Variants in SPAST observed in about 807,000 individuals in gnomAD.
The protein encoded by SPAST is spastin.
SPAST carries 30 observed loss-of-function variants against 76.6 expected under a neutral mutation model. The ratio of observed to expected loss-of-function variants is 0.39; its 90% CI spans 0.29 to 0.53. The LOEUF (loss-of-function observed/expected upper bound fraction) is 0.53. Among genes scored for constraint, SPAST ranks in the 20% least tolerant of loss-of-function variants. The pLI, the probability that SPAST is intolerant of heterozygous loss-of-function variation, is 0.68. For synonymous variants in SPAST, 305 were observed against 281.0 expected, an observed-to-expected ratio of 1.09 and a Z score of -0.86; for missense variants, 717 against 770.5, an observed-to-expected ratio of 0.93 and a Z score of 0.82.
rs1427499391 is a variant in SPAST, at chr2:32,116,266, AGT to A, written c.1098+55_1098+56del. On this transcript the variant is annotated intron_variant, in intron 7 of 16. Transcript: ENST00000315285. ...TAATACCATCTGTTACTGAATCCAT[AGT>A]AGTAGTAGTAGTAAAGAAATATTTG... 3 of 973,002 alleles carry A rather than the reference AGT, an allele frequency of 3.1e-6. No individual in the cohort carries two copies. The African/African-American group carries it at 4.8e-5, about 16-fold the overall frequency. 60.3% of individuals were successfully genotyped at this position (973,002 alleles called of 1,614,324 possible). A position where few individuals can be genotyped will look rare whatever the true frequency, so the allele number is the denominator to read the frequency against.
intron 7 of SPAST, among the ~76,000 whole-genome samples, chr2:32,126,341 A>G (rs1016880164): frequency 1.3e-5 from 2 of 151,748 alleles, no homozygotes; most frequent in African/African-American, 4.8e-5. Context: ...TGTTTGGAAG[A>G]TTCATATATT....
chr2:32,094,099 A>G (rs903368140), intron 3 of SPAST, among the ~76,000 whole-genome samples: 4 of 152,344 alleles, frequency 2.6e-5, no homozygotes, highest in Admixed American at 2.6e-4. Context: ...TTTAACCAGC[A>G]CATAATAAAC....
At chr2:32,144,728 AC>A (rs1279729680) in intron 14 of SPAST, among the ~76,000 whole-genome samples, 1 of 151,900 alleles carries the variant, frequency 6.6e-6, no homozygotes, top group East Asian at 1.9e-4. Flanking sequence ...TATACTAAAT[AC>A]AAAAAAAAAA....
chr2:32,100,727 T>A lies in SPAST; in HGVS notation c.682+1836T>A, dbSNP rs9751503. On this transcript the variant is annotated intron_variant, in intron 4 of 16. Transcript: ENST00000315285. The stretch of plus-strand genomic sequence containing the variant: ...CATACGGTGTTTGGTTTTCTGTCCT[T>A]GCGATAGTTTGCTCAGAATGATGGT... 5.6e-3 allele frequency among the ~76,000 whole-genome samples: 848 copies of A among 152,286 alleles called. 8 individuals are homozygous for A. The highest frequency in any genetic ancestry group is 0.02 in the African/African-American group (816 of 41,552).
At chr2:32,095,873 G>A (rs1223483400) in intron 3 of SPAST, among the ~76,000 whole-genome samples, 7 of 152,152 alleles carry the variant, frequency 4.6e-5, no homozygotes, top group South Asian at 4.1e-4. Context: ...TGGGATTGCC[G>A]AGGCGTAAGA....
At chr2:32,064,868 G>A (rs534809611) in intron 1 of SPAST, among the ~76,000 whole-genome samples, 1 of 152,160 alleles carries the variant, frequency 6.6e-6, no homozygotes, top group African/African-American at 2.4e-5. Context: ...AATTAAAACA[G>A]TATTCCAAAG....
At chr2:32,097,350 A>G (rs1444833697) in intron 3 of SPAST, among the ~76,000 whole-genome samples, 1 of 152,162 alleles carries the variant, frequency 6.6e-6, no homozygotes, top group African/African-American at 2.4e-5. Context: ...TATGTCACAA[A>G]ATTTTAACAA....
chr2:32,083,776 A>ATTTTTTTTTTTTTTTT (rs1178658126), intron 1 of SPAST, among the ~76,000 whole-genome samples: 2 of 46,070 alleles, frequency 4.3e-5, no homozygotes, highest in African/African-American at 8.9e-5. Flanking sequence ...ATATATATAT[A>ATTTTTTTTTTTTTTTT]TTTTTTTTTT....
chr2:32,087,509 G>A lies in SPAST; in HGVS notation c.433G>A (p.Ala145Thr). ...EDEKAGQKEQ[A>T]VEWYKKGIEE... The stretch of plus-strand genomic sequence containing the variant: ...TTTTAAAGCAGGACAGAAGGAGCAA[G>A]CTGTGGAATGGTATAAGAAAGGTAT... Residue 145 changes from alanine (A) to threonine (T), a missense_variant, in exon 2 of 17, where the codon GCT becomes ACT. Ala to Thr is a moderately conservative substitution (Grantham distance 58). Coordinates refer to ENST00000315285, the MANE Select transcript of SPAST (RefSeq NM_014946.4). 1 of 1,605,548 alleles carries A rather than the reference G, an allele frequency of 6.2e-7. No homozygotes were observed. The highest frequency in any genetic ancestry group is 8.5e-7 in the Non-Finnish European group (1 of 1,173,060).
chr2:32,110,802 A>G lies in SPAST; in HGVS notation c.683-3836A>G, dbSNP rs1040317092. ...ATACTATATATAGTATAGTATACATAGTATACTATATAGTATATAGAGTAT... is the reference window on the plus strand; with the variant it reads ...ATACTATATATAGTATAGTATACATGGTATACTATATAGTATATAGAGTAT... On this transcript the variant is annotated intron_variant, in intron 4 of 16. Transcript: ENST00000315285. 2.5e-5 allele frequency among the ~76,000 whole-genome samples: 3 copies of G among 118,762 alleles called. No individual in the cohort carries two copies. In the East Asian group the frequency reaches 7.3e-4, roughly 29 times the overall value. 77.9% of individuals were successfully genotyped at this position (118,762 alleles called of 152,430 possible).
intron 1 of SPAST, among the ~76,000 whole-genome samples, chr2:32,065,402 G>A (rs921485464): frequency 3.3e-5 from 5 of 151,988 alleles, no homozygotes; most frequent in African/African-American, 1.2e-4. Context: ...AAAAAAAATA[G>A]CAACCATCCC....
chr2:32,128,276 T>C, intron 8 of SPAST, 132 bp from the exon 9 acceptor site: 1 of 702,482 alleles, frequency 1.4e-6, no homozygotes, highest in South Asian at 1.6e-5. Flanking sequence ...ATTACAGGCA[T>C]GAGCCACCAC....
chr2:32,148,392 C>T (rs1345661111), intron 16 of SPAST, among the ~76,000 whole-genome samples: 1 of 152,052 alleles, frequency 6.6e-6, no homozygotes, highest in African/African-American at 2.4e-5. Context: ...AAATTACAGG[C>T]CGGGTGCGGT....
Position 32,115,837 on chromosome 2 carries a change from T to G in SPAST, c.1004+2T>G, listed in dbSNP as rs1553315240. 6.2e-7 allele frequency: 1 copy of G among 1,604,898 alleles called. No homozygotes were observed. The highest frequency in any genetic ancestry group is 8.5e-7 in the Non-Finnish European group (1 of 1,174,148). On this transcript the variant is annotated splice_donor_variant, in intron 6 of 16. Coordinates refer to ENST00000315285, the MANE Select transcript of SPAST (RefSeq NM_014946.4). LOFTEE classifies it high-confidence loss of function. ...TATAATGAATGAAATTGTGGACAAGTAAGTTTTGCCATCTAAATGTTTTAT... is the reference window on the plus strand; with the variant it reads ...TATAATGAATGAAATTGTGGACAAGGAAGTTTTGCCATCTAAATGTTTTAT...
intron 1 of SPAST, among the ~76,000 whole-genome samples, chr2:32,066,458 A>T (rs1237173573): frequency 2.0e-5 from 3 of 151,884 alleles, no homozygotes; most frequent in African/African-American, 2.4e-5. Context: ...TCATGAGGTC[A>T]AGAGTTTGAG....
chr2:32,105,028 A>G (rs540843615), intron 4 of SPAST, among the ~76,000 whole-genome samples: 3 of 152,212 alleles, frequency 2.0e-5, no homozygotes, highest in African/African-American at 4.8e-5. Context: ...CTTCTCCTGG[A>G]TAATATCCTG....
chr2:32,123,632 G>C (rs1679096170), intron 7 of SPAST, among the ~76,000 whole-genome samples: 1 of 152,200 alleles, frequency 6.6e-6, no homozygotes, highest in Admixed American at 6.5e-5. Context: ...TTACTGTAAA[G>C]CTACATTAAT....
chr2:32,140,390 G>A (rs1679676575), intron 12 of SPAST, among the ~76,000 whole-genome samples: 1 of 151,862 alleles, frequency 6.6e-6, no homozygotes, highest in African/African-American at 2.4e-5. Flanking sequence ...CAATTTTTTG[G>A]CAAGGACAGA....
intron 1 of SPAST, among the ~76,000 whole-genome samples, chr2:32,075,211 A>G (rs990644388): frequency 4.6e-5 from 7 of 151,608 alleles, no homozygotes; most frequent in African/African-American, 1.5e-4. Flanking sequence ...TTACGAGGTC[A>G]GGAGATTGAG....
Sources: allele counts gnomAD v4.1 joint callset (sites outside exome capture counted in the v4.1 genomes callset), GRCh38; gene constraint gnomAD v4.1.1; transcripts MANE v1.5; gene names NCBI Gene and HGNC (gene_info 2026-07-23, HGNC 2026-07-21).